Variants in MORC3 observed in about 807,000 individuals in gnomAD.
The protein encoded by MORC3 is MORC family CW-type zinc finger 3, also known as MORC family CW-type zinc finger protein 3.
Under a neutral mutation model 109.1 loss-of-function variants are expected in MORC3, and 31 were observed. That is an observed-to-expected ratio of 0.28 (90% CI 0.21 to 0.38). The LOEUF is 0.38. Ranked by LOEUF, MORC3 falls within the 10% of genes least tolerant of loss-of-function variation. The pLI, the probability that MORC3 is intolerant of heterozygous loss-of-function variation, is 1.00. For missense variants in MORC3, 867 were observed against 1,135.8 expected (o/e 0.76, Z 3.40); for synonymous variants, 395 against 380.7 (o/e 1.04, Z -0.44).
intron 6 of MORC3, among the ~76,000 whole-genome samples, chr21:36,342,113 A>G (rs1218951263): frequency 6.6e-6 from 1 of 152,054 alleles, no homozygotes; most frequent in African/African-American, 2.4e-5. Context: ...CTGTAATCCC[A>G]GCTACTCGGG....
chr21:36,320,276 G>C lies in MORC3; in HGVS notation c.12G>C (p.Gln4His). 2 of 1,576,482 alleles carry C rather than the reference G, an allele frequency of 1.3e-6. No homozygotes were observed. Among genetic ancestry groups the C allele is most frequent in the Non-Finnish European group, 1.7e-6 (2 of 1,162,930 alleles). MAA[Q>H]PPRGIRLSAL... The stretch of plus-strand genomic sequence containing the variant: ...GTAGCTCGCTCAAGATGGCGGCGCA[G>C]CCACCCCGCGGGATACGCCTCAGCG... The change falls in exon 1 of 17, where the codon CAG becomes CAC. Residue 4 changes from glutamine (Q) to histidine (H), a missense_variant. Transcript: ENST00000400485.
intron 9 of MORC3, among the ~76,000 whole-genome samples, chr21:36,354,384 A>T (rs1265799394): frequency 7.5e-6 from 1 of 133,120 alleles, no homozygotes; most frequent in Non-Finnish European, 1.5e-5. Context: ...GGCTCACTGC[A>T]ACCTCCGCCT....
chr21:36,371,541 A>G (rs907456244), intron 15 of MORC3, among the ~76,000 whole-genome samples: 15 of 152,214 alleles, frequency 9.9e-5, no homozygotes, highest in African/African-American at 3.4e-4. Flanking sequence ...ATTTCATGTA[A>G]TGTATTGAAT....
At chr21:36,340,638 CT>C (rs34899654) in intron 5 of MORC3, among the ~76,000 whole-genome samples, 56 of 123,620 alleles carry the variant, frequency 4.5e-4, no homozygotes, top group Non-Finnish European at 6.6e-4. Context: ...TTCTTTCTTT[CT>C]TTTTTTTTTT....
At chr21:36,340,027 C>A (rs144273222) in intron 5 of MORC3, among the ~76,000 whole-genome samples, 3,392 of 152,198 alleles carry the variant, frequency 0.022, 123 homozygotes, top group African/African-American at 0.078. Flanking sequence ...ACCTGTAATC[C>A]CAGCACTTTG....
rs1332003276 is a variant in MORC3 at position 36,366,735 on chromosome 21, G to A, written c.1620-2253G>A. ...CTCCCAAAGTGCTGGGATTACAGGCGTGAGCCACTTTGCCCGGCCTATTAA... is the reference window on the plus strand; with the variant it reads ...CTCCCAAAGTGCTGGGATTACAGGCATGAGCCACTTTGCCCGGCCTATTAA... On this transcript the variant is annotated intron_variant, in intron 14 of 16. Transcript: ENST00000400485. Among the ~76,000 whole-genome samples the A allele has an allele frequency of 9.9e-5, 15 of 152,166 alleles. No homozygotes were observed. The East Asian group carries it at 2.1e-3, about 22-fold the overall frequency.
At position 36,337,747 on chromosome 21, in the gene MORC3, C is replaced by T; in HGVS notation, c.261C>T (p.Asp87=). The T allele has an allele frequency of 6.2e-7, 1 of 1,607,544 alleles. No homozygotes were observed. Among genetic ancestry groups the T allele is most frequent in the African/African-American group, 1.3e-5 (1 of 74,836 alleles). Reference sequence around the variant, plus strand: ...TTCTTCTTAGCTTTGGCTTCAGTGACAAAGTCACCATGAATGGTCATGTCC... The same window carrying T: ...TTCTTCTTAGCTTTGGCTTCAGTGATAAAGTCACCATGAATGGTCATGTCC... ...LHKMLSFGFS[D]KVTMNGHVPV... is the part of the protein sequence containing the mutation. Residue 87 remains aspartate, a synonymous_variant, in exon 4 of 17, where the codon GAC becomes GAT. Coordinates refer to ENST00000400485, the MANE Select transcript of MORC3 (RefSeq NM_015358.3).
rs151146957 is a variant in MORC3 at position 36,335,247 on chromosome 21, T to C, written c.112+1529T>C. Among the ~76,000 whole-genome samples the C allele has an allele frequency of 2.1e-3, 321 of 152,086 alleles. 1 individual carries two copies. The highest frequency in any genetic ancestry group is 3.0e-3 in the Non-Finnish European group (204 of 67,996). Reference sequence around the variant, plus strand: ...TTGTATTCTTAGGAATTCTTAGATATATTTTAGAATCTTTATCAAGGAAGG... The same window carrying C: ...TTGTATTCTTAGGAATTCTTAGATACATTTTAGAATCTTTATCAAGGAAGG... On this transcript the variant is annotated intron_variant, in intron 2 of 16. Coordinates refer to ENST00000400485, the MANE Select transcript of MORC3 (RefSeq NM_015358.3).
At chr21:36,353,752 TGTA>T (rs1235800158) in intron 9 of MORC3, among the ~76,000 whole-genome samples, 3 of 122,600 alleles carry the variant, frequency 2.4e-5, no homozygotes, top group Admixed American at 1.9e-4. Flanking sequence ...GGCTAATTTT[TGTA>T]TTTTTTTTTT....
chr21:36,338,278 A>C lies in MORC3; in HGVS notation c.460+332A>C, dbSNP rs886973957. Among the ~76,000 whole-genome samples the C allele has an allele frequency of 2.6e-5, 4 of 152,230 alleles. No individual in the cohort carries two copies. The East Asian group carries it at 7.7e-4, about 29-fold the overall frequency. On this transcript the variant is annotated intron_variant, in intron 4 of 16. Coordinates refer to ENST00000400485, the MANE Select transcript of MORC3 (RefSeq NM_015358.3). ...CAAAAGGCAGGATAACTTTAGGAAA[A>C]TGCCTTTTGTATGAACACATTGGAA... is the stretch of plus-strand genomic sequence containing the variant.
intron 13 of MORC3, 56 bp downstream of exon 13, chr21:36,362,284 C>G: frequency 6.5e-7 from 1 of 1,538,060 alleles, no homozygotes; most frequent in Non-Finnish European, 8.8e-7. Flanking sequence ...GGCTGACACC[C>G]GTAATCCCAG....
At chr21:36,368,883 CA>C (rs901857873) in intron 14 of MORC3, 104 bp from the exon 15 acceptor site, 7 of 1,189,352 alleles carry the variant, frequency 5.9e-6, no homozygotes, top group African/African-American at 1.6e-5. Flanking sequence ...TCTCAAAAAA[CA>C]AAAAAACTGT....
At chr21:36,339,554 C>T (rs2146302139) in intron 5 of MORC3, 1 of 145,520 alleles carries the variant, frequency 6.9e-6, no homozygotes, top group Non-Finnish European at 1.5e-5. Context: ...AAGACAAATT[C>T]AGGAGGATAA....
Position 36,369,846 on chromosome 21 carries a change from C to T in MORC3, c.2478C>T (p.Cys826=). 1 of 1,613,230 alleles carries T rather than the reference C, an allele frequency of 6.2e-7. No homozygotes were observed. Among genetic ancestry groups the T allele is most frequent in the South Asian group, 1.1e-5 (1 of 91,010 alleles). Residue 826 remains cysteine, a synonymous_variant, in exon 15 of 17, where the codon TGC becomes TGT. Coordinates refer to ENST00000400485, the MANE Select transcript of MORC3 (RefSeq NM_015358.3). ...LDDVFRQLDK[C]SIERDQYKSE... ...ATGTGTTTAGACAACTGGACAAATG[C>T]AGTATTGAGAGGGACCAGTATAAAA...
chr21:36,349,567 G>A (rs1283009610), intron 9 of MORC3, among the ~76,000 whole-genome samples, 159 bp downstream of exon 9: 2 of 152,100 alleles, frequency 1.3e-5, no homozygotes, highest in South Asian at 2.1e-4. Context: ...TTCCTAGAAT[G>A]GAAGATGGTT....
In MORC3 at chr21:36,364,110, G is replaced by A. The variant is rs780766452; in HGVS notation, c.1470G>A (p.Leu490=). The A allele has an allele frequency of 6.2e-7, 1 of 1,614,010 alleles. No homozygotes were observed. Among genetic ancestry groups the A allele is most frequent in the South Asian group, 1.1e-5 (1 of 91,082 alleles). The change falls in exon 14 of 17, where the codon TTG becomes TTA. Residue 490 remains leucine (L), a synonymous_variant. Transcript: ENST00000400485. ...EMIPRINAEL[L]FRPTALSTPS... is the part of the protein sequence containing the mutation. ...TCCAACAGATTAATGCTGAACTGTT[G>A]TTTCGGCCAACTGCTCTTTCAACTC...
At chr21:36,320,558 A>G (rs2085179596) in intron 1 of MORC3, 3 of 334,514 alleles carry the variant, frequency 9.0e-6, no homozygotes, top group African/African-American at 2.2e-5. Flanking sequence ...TCCTCCTCCC[A>G]GCTCCCTCCT....
At chr21:36,340,641 T>TTC in intron 5 of MORC3, among the ~76,000 whole-genome samples, 1 of 149,300 alleles carries the variant, frequency 6.7e-6, no homozygotes, top group South Asian at 2.1e-4. Context: ...TTTCTTTCTT[T>TTC]TTTTTTTTTT....
chr21:36,332,466 G>T (rs1364305880), intron 1 of MORC3, among the ~76,000 whole-genome samples: 1 of 152,096 alleles, frequency 6.6e-6, no homozygotes, highest in Non-Finnish European at 1.5e-5. Flanking sequence ...TTCAGAACCG[G>T]AACAGGTTCT....
Sources: gnomAD v4.1 joint callset for allele counts (sites outside exome capture counted in the v4.1 genomes callset) on GRCh38, gnomAD v4.1.1 for gene constraint, MANE v1.5 for transcripts, NCBI Gene and HGNC (gene_info 2026-07-23, HGNC 2026-07-21) for gene names.